Variants in HS6ST3 observed in about 807,000 individuals in gnomAD.
HS6ST3 encodes the protein heparan sulfate 6-O-sulfotransferase 3.
Under a neutral mutation model 36.7 loss-of-function variants are expected in HS6ST3, and 12 were observed. The observed-to-expected ratio is 0.33, with a 90% CI of 0.21 to 0.53. The LOEUF is 0.53. Ranked by LOEUF, HS6ST3 falls within the 20% of genes least tolerant of loss-of-function variation. HS6ST3 has a pLI of 0.95. For missense variants in HS6ST3, 584 were observed against 640.9 expected (o/e 0.91, Z 0.96); for synonymous variants, 240 against 257.5 (o/e 0.93, Z 0.65).
At chr13:96,194,236 A>G (rs2054301765) in intron 1 of HS6ST3, among the ~76,000 whole-genome samples, 1 of 152,142 alleles carries the variant, frequency 6.6e-6, no homozygotes, top group South Asian at 2.1e-4. Flanking sequence ...CTTGTAGGAA[A>G]TGCATTGTGT....
chr13:96,656,993 G>GTC (rs1348948089), intron 1 of HS6ST3, among the ~76,000 whole-genome samples: 8 of 141,638 alleles, frequency 5.6e-5, no homozygotes, highest in Non-Finnish European at 1.1e-4. Flanking sequence ...GTGTGTGTGT[G>GTC]TGTGTGAGAG....
rs530413411 is a variant in HS6ST3 at position 96,466,478 on chromosome 13, T to C, written c.708-366012T>C. Among the ~76,000 whole-genome samples, 5 of 152,310 alleles carry C rather than the reference T, an allele frequency of 3.3e-5. No individual in the cohort carries two copies. In the East Asian group the frequency reaches 9.7e-4, roughly 29 times the overall value. ...TGTCCCACCCCTTCAATTTTCTGCTTCTACGAGTTTGACTCCTTTGGTTCC... is the reference window on the plus strand; with the variant it reads ...TGTCCCACCCCTTCAATTTTCTGCTCCTACGAGTTTGACTCCTTTGGTTCC... On this transcript the variant is annotated intron_variant, in intron 1 of 1. Transcript: ENST00000376705.
intron 1 of HS6ST3, among the ~76,000 whole-genome samples, chr13:96,337,058 TTTTG>T (rs1350156924): frequency 6.6e-6 from 1 of 152,152 alleles, no homozygotes; most frequent in East Asian, 1.9e-4. Flanking sequence ...ATCAGTTTTT[TTTTG>T]TTTGTTTGTT....
intron 1 of HS6ST3, among the ~76,000 whole-genome samples, chr13:96,767,690 A>T (rs533759759): frequency 1.3e-5 from 2 of 152,352 alleles, no homozygotes; most frequent in African/African-American, 4.8e-5. Context: ...ATAGTAGCTG[A>T]TGCCATGTGG....
rs143955909 is a variant in HS6ST3 at position 96,120,701 on chromosome 13, C to T, written c.707+29132C>T. Among the ~76,000 whole-genome samples, 126 of 152,212 alleles carry T rather than the reference C, an allele frequency of 8.3e-4. 1 individual carries two copies. The East Asian group carries it at 0.022, about 27-fold the overall frequency. On this transcript the variant is annotated intron_variant, in intron 1 of 1. Coordinates refer to ENST00000376705, the MANE Select transcript of HS6ST3 (RefSeq NM_153456.4). ...GTTTTTTCTGCTGTGATTTAGGCAT[C>T]TATGTCACCTAATAAAAAACACAAT...
intron 1 of HS6ST3, among the ~76,000 whole-genome samples, chr13:96,665,514 ATTATAT>A (rs2056660776): frequency 6.6e-6 from 1 of 152,230 alleles, no homozygotes; most frequent in Non-Finnish European, 1.5e-5. Context: ...CACTGAAAAA[ATTATAT>A]TTAAATAAAT....
At chr13:96,187,883 A>T (rs908904621) in intron 1 of HS6ST3, among the ~76,000 whole-genome samples, 1 of 152,182 alleles carries the variant, frequency 6.6e-6, no homozygotes, top group Non-Finnish European at 1.5e-5. Flanking sequence ...CTCCATTGAC[A>T]ATGAATGCCT....
At chr13:96,190,055 T>C (rs2054281972) in intron 1 of HS6ST3, among the ~76,000 whole-genome samples, 1 of 152,228 alleles carries the variant, frequency 6.6e-6, no homozygotes, top group Non-Finnish European at 1.5e-5. Context: ...CTGGCATTTA[T>C]TGAACCATGT....
At position 96,294,166 on chromosome 13, in the gene HS6ST3, C is replaced by T. The variant is rs9582041; in HGVS notation, c.707+202597C>T. Among the ~76,000 whole-genome samples the T allele has an allele frequency of 9.5e-3, 1,443 of 152,172 alleles. 19 individuals are homozygous for T. The highest frequency in any genetic ancestry group is 0.033 in the African/African-American group (1,369 of 41,546). On this transcript the variant is annotated intron_variant, in intron 1 of 1. Coordinates refer to ENST00000376705, the MANE Select transcript of HS6ST3 (RefSeq NM_153456.4). The stretch of plus-strand genomic sequence containing the variant: ...CTCTTATTACACAGAGAGACTTCTA[C>T]GCAGAGAATTACTTATACACATTAT...
intron 1 of HS6ST3, among the ~76,000 whole-genome samples, chr13:96,619,358 A>G (rs531170597): frequency 2.6e-5 from 4 of 152,248 alleles, no homozygotes; most frequent in African/African-American, 9.6e-5. Flanking sequence ...TTTTCAGTTA[A>G]TTTTGTTCTG....
At position 96,832,974 on chromosome 13, in the gene HS6ST3, G is replaced by A. The variant is rs376423293; in HGVS notation, c.1192G>A (p.Glu398Lys). 8.1e-6 allele frequency: 13 copies of A among 1,613,924 alleles called. No homozygotes were observed. In the East Asian group the frequency reaches 2.7e-4, roughly 33 times the overall value. ...EINEGARQRI[E>K]DLNFLDMQLY... The stretch of plus-strand genomic sequence containing the variant: ...CAACGAGGGTGCCCGCCAACGCATT[G>A]AGGATCTAAACTTCCTGGACATGCA... Residue 398 changes from glutamate (E) to lysine (K), a missense_variant, in exon 2 of 2, where the codon GAG becomes AAG. Glu to Lys is a moderately conservative substitution (Grantham distance 56, BLOSUM62 1). Transcript: ENST00000376705.
chr13:96,622,046 C>A (rs2056496891), intron 1 of HS6ST3, among the ~76,000 whole-genome samples: 1 of 152,052 alleles, frequency 6.6e-6, no homozygotes, highest in Admixed American at 6.6e-5. Context: ...GATCTAAGGT[C>A]CTGTTTCCTT....
chr13:96,518,920 C>G (rs915639622), intron 1 of HS6ST3, among the ~76,000 whole-genome samples: 1 of 152,118 alleles, frequency 6.6e-6, no homozygotes, highest in South Asian at 2.1e-4. Context: ...TTTCTAAAAA[C>G]TACAGGTTTC....
At chr13:96,392,327 C>T (rs2055399976) in intron 1 of HS6ST3, among the ~76,000 whole-genome samples, 1 of 152,192 alleles carries the variant, frequency 6.6e-6, no homozygotes, top group Non-Finnish European at 1.5e-5. Context: ...AGCATCTCTT[C>T]TGTACCAGTA....
intron 1 of HS6ST3, among the ~76,000 whole-genome samples, chr13:96,153,391 CG>C (rs1566894755): frequency 6.6e-6 from 1 of 152,048 alleles, no homozygotes; most frequent in Non-Finnish European, 1.5e-5. Flanking sequence ...GGGGTATTTC[CG>C]GGGGAAGAAT....
chr13:96,826,304 G>T (rs1878646058), intron 1 of HS6ST3, among the ~76,000 whole-genome samples: 1 of 152,060 alleles, frequency 6.6e-6, no homozygotes. Flanking sequence ...ATTTTAAAAG[G>T]TATCAGTTTA....
At chr13:96,108,558 G>A (rs1054698749) in intron 1 of HS6ST3, among the ~76,000 whole-genome samples, 2 of 151,546 alleles carry the variant, frequency 1.3e-5, no homozygotes, top group African/African-American at 2.4e-5. Flanking sequence ...TTTGTGGCTC[G>A]GGGGCATCAT....
chr13:96,557,071 G>T (rs1357855422), intron 1 of HS6ST3, among the ~76,000 whole-genome samples: 1 of 152,180 alleles, frequency 6.6e-6, no homozygotes, highest in Non-Finnish European at 1.5e-5. Context: ...TTCACCAACT[G>T]TGAGGTTCTA....
At chr13:96,618,364 G>A (rs1171681606) in intron 1 of HS6ST3, among the ~76,000 whole-genome samples, 1 of 152,132 alleles carries the variant, frequency 6.6e-6, no homozygotes, top group Non-Finnish European at 1.5e-5. Flanking sequence ...GCCTCCCAAA[G>A]ACTAGAGATT....
Sources: allele counts gnomAD v4.1 joint callset (sites outside exome capture counted in the v4.1 genomes callset), GRCh38; gene constraint gnomAD v4.1.1; transcripts MANE v1.5; gene names NCBI Gene and HGNC (gene_info 2026-07-23, HGNC 2026-07-21).